The following RBM20 variants were observed in gnomAD, a reference collection of about 807,000 sequenced individuals.
RBM20 encodes the protein RNA-binding protein 20.
RBM20 carries 51 observed loss-of-function variants against 110.1 expected under a neutral mutation model. The ratio of observed to expected loss-of-function variants is 0.46; its 90% confidence interval spans 0.37 to 0.59. The LOEUF (loss-of-function observed/expected upper bound fraction) is 0.59. Ranked by LOEUF, RBM20 falls within the 20% of genes least tolerant of loss-of-function variation. The probability of loss-of-function intolerance (pLI) is 0.00; values close to 1 mark genes in which losing one functional copy is unlikely to be tolerated. For synonymous variants in RBM20, 589 were observed against 618.2 expected (o/e 0.95, Z 0.70); for missense variants, 1,512 against 1,574.9 (o/e 0.96, Z 0.68).
chr10:110,670,111 G>C (rs1464075698), intron 1 of RBM20, among the ~76,000 whole-genome samples: 1 of 151,714 alleles, frequency 6.6e-6, no homozygotes, highest in Non-Finnish European at 1.5e-5. Context: ...TTTAGATGGT[G>C]ATTTTTGTGT....
intron 1 of RBM20, among the ~76,000 whole-genome samples, chr10:110,673,256 G>C (rs976579703): frequency 1.3e-5 from 2 of 151,348 alleles, no homozygotes; most frequent in Non-Finnish European, 2.9e-5. Flanking sequence ...CTGTTGCCCA[G>C]GCTGGAGTAC....
At chr10:110,808,805 G>A (rs746821436) in intron 7 of RBM20, among the ~76,000 whole-genome samples, 4 of 152,028 alleles carry the variant, frequency 2.6e-5, no homozygotes, top group Non-Finnish European at 4.4e-5. Context: ...CAGATAATCA[G>A]CCACGCCACT....
intron 7 of RBM20, among the ~76,000 whole-genome samples, chr10:110,807,751 A>G (rs980951961): frequency 4.6e-5 from 7 of 152,274 alleles, no homozygotes; most frequent in Non-Finnish European, 2.9e-5. Flanking sequence ...GAAGAGCAGA[A>G]GAAAACTGGA....
chr10:110,759,684 C>T (rs1400534958), intron 1 of RBM20, among the ~76,000 whole-genome samples: 1 of 152,152 alleles, frequency 6.6e-6, no homozygotes, highest in East Asian at 1.9e-4. Flanking sequence ...GCAAGATTGC[C>T]AGGCGAAAAC....
rs150236661 is a variant in RBM20, at chr10:110,794,256, A to C, written c.1528-3252A>C. ...TGAATCATATATGGTTTTGAACCTA[A>C]ATGGAGTTCAACAACAACCCAAAGA... On this transcript the variant is annotated intron_variant, in intron 5 of 13. Transcript: ENST00000369519. Among the ~76,000 whole-genome samples, 492 of 152,366 alleles carry C rather than the reference A, an allele frequency of 3.2e-3. 1 individual carries two copies. The highest frequency in any genetic ancestry group is 0.011 in the African/African-American group (457 of 41,590).
At chr10:110,744,969 G>T (rs568960585) in intron 1 of RBM20, among the ~76,000 whole-genome samples, 3 of 152,168 alleles carry the variant, frequency 2.0e-5, no homozygotes, top group Admixed American at 6.5e-5. Flanking sequence ...AGAGCGAGAG[G>T]TTACTTCTGC....
At chr10:110,662,012 G>GAAAAA (rs991849689) in intron 1 of RBM20, among the ~76,000 whole-genome samples, 1 of 145,184 alleles carries the variant, frequency 6.9e-6, no homozygotes, top group Non-Finnish European at 1.5e-5. Context: ...CTGGTCTCAG[G>GAAAAA]AAAAAAAAAA....
In RBM20 at chr10:110,783,372, G is replaced by A. The variant is rs1564844937; in HGVS notation, c.1282G>A (p.Glu428Lys). Residue 428 changes from glutamate (E) to lysine (K), a missense_variant, in exon 3 of 14, where the codon GAG becomes AAG. Physicochemically the swap from Glu to Lys is moderately conservative, Grantham distance 56 (BLOSUM62 1). Coordinates refer to ENST00000369519, the MANE Select transcript of RBM20 (RefSeq NM_001134363.3). ...DKKVFDLKDW[E>K]LHVKGKLHAQ... ...TTCTTTCCTTCTGACCTAGGACTGG[G>A]AGCTGCATGTGAAAGGGAAGCTGCA... The A allele has an allele frequency of 1.9e-6, 3 of 1,551,090 alleles. No individual in the cohort carries two copies. The highest frequency in any genetic ancestry group is 2.6e-6 in the Non-Finnish European group (3 of 1,146,638).
At position 110,839,317 on chromosome 10, in the gene RBM20, A is replaced by G. The variant is rs1007623343; in HGVS notation, c.*3339A>G. On this transcript the variant is annotated 3_prime_UTR_variant, in exon 14 of 14. Coordinates refer to ENST00000369519, the MANE Select transcript of RBM20 (RefSeq NM_001134363.3). ...TTGAATTTATGAGAAAAACCAAAAC[A>G]CTAAGTTAAGTTTGAACTTGTAAAG... 6.6e-6 allele frequency: 1 copy of G among 152,238 alleles called. No individual in the cohort carries two copies. The highest frequency in any genetic ancestry group is 1.5e-5 in the Non-Finnish European group (1 of 68,036). 9.4% of individuals were successfully genotyped at this position (152,238 alleles called of 1,614,324 possible). A position where few individuals can be genotyped will look rare whatever the true frequency, so the allele number is the denominator to read the frequency against.
intron 1 of RBM20, among the ~76,000 whole-genome samples, chr10:110,740,955 G>T (rs1004819397): frequency 1.3e-5 from 2 of 152,100 alleles, no homozygotes; most frequent in African/African-American, 4.8e-5. Context: ...CATTACCTGG[G>T]CTTCAGAGCC....
In RBM20 at chr10:110,688,046, T is replaced by C. The variant is rs78551206; in HGVS notation, c.191+43401T>C. On this transcript the variant is annotated intron_variant, in intron 1 of 13. Coordinates refer to ENST00000369519, the MANE Select transcript of RBM20 (RefSeq NM_001134363.3). Reference sequence around the variant, plus strand: ...GTGTGTGTGTGTGTGTATGTGTGTGTATGTGTTTTAAAAAGGAGAGAGAGA... The same window carrying C: ...GTGTGTGTGTGTGTGTATGTGTGTGCATGTGTTTTAAAAAGGAGAGAGAGA... Among the ~76,000 whole-genome samples the C allele has an allele frequency of 4.0e-3, 605 of 150,242 alleles. 3 individuals carry two copies. Among genetic ancestry groups the C allele is most frequent in the Admixed American group, 6.7e-3 (101 of 15,138 alleles).
intron 7 of RBM20, among the ~76,000 whole-genome samples, chr10:110,808,438 G>A (rs1411389353): frequency 1.3e-5 from 2 of 152,198 alleles, no homozygotes; most frequent in Admixed American, 6.5e-5. Flanking sequence ...TTTACAGAGG[G>A]TTGATCTCTA....
At chr10:110,820,295 T>C (rs1458902199) in intron 10 of RBM20, 119 bp downstream of exon 10, 22 of 650,786 alleles carry the variant, frequency 3.4e-5, no homozygotes, top group Admixed American at 2.8e-4. Flanking sequence ...ATTAGTTCCA[T>C]GAATGAACCA....
At chr10:110,834,294 C>A (rs555169130) in intron 13 of RBM20, among the ~76,000 whole-genome samples, 1 of 152,020 alleles carries the variant, frequency 6.6e-6, no homozygotes, top group East Asian at 1.9e-4. Flanking sequence ...GCTTTGCCTG[C>A]TGCCATCCAC....
intron 1 of RBM20, among the ~76,000 whole-genome samples, chr10:110,711,956 C>T (rs1862936550): frequency 6.6e-6 from 1 of 152,030 alleles, no homozygotes; most frequent in African/African-American, 2.4e-5. Context: ...TGTTGATCTA[C>T]AGTGGGAAAG....
At position 110,835,882 on chromosome 10, in the gene RBM20, G is replaced by T; in HGVS notation, c.3588G>T (p.Gln1196His). 2 of 1,550,580 alleles carry T rather than the reference G, an allele frequency of 1.3e-6. No individual in the cohort carries two copies. The highest frequency in any genetic ancestry group is 1.7e-6 in the Non-Finnish European group (2 of 1,146,212). The change falls in exon 14 of 14, where the codon CAG becomes CAT. Residue 1196 changes from glutamine to histidine, a missense_variant. Gln to His is a conservative substitution (Grantham distance 24). Coordinates refer to ENST00000369519, the MANE Select transcript of RBM20 (RefSeq NM_001134363.3). ...TCTTTCCACAGAAATATTTGTCCCA[G>T]CTGGCCGAGGAGGGCCTCAAGGAGA... ...HYRNLQKYLSQLAEEGLKETE... is the reference protein window; with the variant it reads ...HYRNLQKYLSHLAEEGLKETE...
At chr10:110,801,019 A>G (rs1844615612) in intron 7 of RBM20, among the ~76,000 whole-genome samples, 1 of 152,242 alleles carries the variant, frequency 6.6e-6, no homozygotes. Context: ...AGAGGTACAT[A>G]CATAACTAAG....
intron 1 of RBM20, among the ~76,000 whole-genome samples, chr10:110,771,507 T>C (rs1219719293): frequency 6.6e-6 from 1 of 152,220 alleles, no homozygotes; most frequent in Non-Finnish European, 1.5e-5. Flanking sequence ...ACACATATAG[T>C]TCCTATCTTC....
chr10:110,661,296 ACT>A (rs1164521276), intron 1 of RBM20, among the ~76,000 whole-genome samples: 1 of 151,522 alleles, frequency 6.6e-6, no homozygotes, highest in Non-Finnish European at 1.5e-5. Flanking sequence ...TGGAAGTAAG[ACT>A]CTCCCTGGGC....
Sources: gnomAD v4.1 joint callset for allele counts (sites outside exome capture counted in the v4.1 genomes callset) on GRCh38, gnomAD v4.1.1 for gene constraint, MANE v1.5 for transcripts, NCBI Gene and HGNC (gene_info 2026-07-23, HGNC 2026-07-21) for gene names.